HECW1: variants seen among roughly 807,000 people sequenced by gnomAD.
HECW1 encodes the protein HECT, C2 and WW domain containing E3 ubiquitin protein ligase 1, also known as E3 ubiquitin-protein ligase HECW1.
HECW1 carries 61 observed loss-of-function variants against 182.3 expected under a neutral mutation model. That is an observed-to-expected ratio of 0.33 (90% CI 0.27 to 0.41). HECW1 has a LOEUF of 0.41. Ranked by LOEUF, HECW1 falls within the 10% of genes least tolerant of loss-of-function variation. HECW1 has a pLI of 1.00. For synonymous variants in HECW1, 859 were observed against 832.6 expected, an observed-to-expected ratio of 1.03 and a Z score of -0.55; for missense variants, 1,739 against 2,108.9, an observed-to-expected ratio of 0.82 and a Z score of 3.44.
Position 43,269,994 on chromosome 7 carries a change from A to G in HECW1, c.27+26062A>G, listed in dbSNP as rs370719751. On this transcript the variant is annotated intron_variant, in intron 3 of 29. Coordinates refer to ENST00000395891, the MANE Select transcript of HECW1 (RefSeq NM_015052.5). ...TAACTTAATATTTCTCAGCCTCTAT[A>G]TCTTCATCTCTGAAATAGGAATGTC... Among the ~76,000 whole-genome samples, 178 of 152,332 alleles carry G rather than the reference A, an allele frequency of 1.2e-3. 1 individual carries two copies. The highest frequency in any genetic ancestry group is 3.9e-3 in the African/African-American group (162 of 41,576).
chr7:43,436,609 A>T (rs2076723917), intron 8 of HECW1, among the ~76,000 whole-genome samples: 1 of 152,132 alleles, frequency 6.6e-6, no homozygotes, highest in African/African-American at 2.4e-5. Context: ...CAGGAGAAGG[A>T]ATTTCACAAG....
intron 2 of HECW1, among the ~76,000 whole-genome samples, chr7:43,120,828 G>A (rs1343927060): frequency 6.6e-6 from 1 of 151,982 alleles, no homozygotes; most frequent in Non-Finnish European, 1.5e-5. Context: ...ATTTTGTGCA[G>A]AGATGGGTTT....
At chr7:43,316,196 G>A (rs1244761573) in intron 4 of HECW1, among the ~76,000 whole-genome samples, 2 of 152,118 alleles carry the variant, frequency 1.3e-5, no homozygotes, top group Non-Finnish European at 2.9e-5. Flanking sequence ...ATTATAAACT[G>A]AGGAGCAGGT....
chr7:43,292,564 A>C (rs1004828679), intron 3 of HECW1, among the ~76,000 whole-genome samples: 2 of 152,236 alleles, frequency 1.3e-5, no homozygotes, highest in African/African-American at 4.8e-5. Context: ...GACTAAGCAC[A>C]AGTGTGGCCC....
chr7:43,418,290 C>A (rs1442190191), intron 8 of HECW1, among the ~76,000 whole-genome samples: 2 of 152,220 alleles, frequency 1.3e-5, no homozygotes, highest in African/African-American at 4.8e-5. Context: ...CTTCAGCATA[C>A]CTGTTGAGGG....
At chr7:43,177,314 C>G (rs1792360972) in intron 2 of HECW1, among the ~76,000 whole-genome samples, 2 of 152,220 alleles carry the variant, frequency 1.3e-5, no homozygotes, top group South Asian at 2.1e-4. Context: ...GGTGGTGGGG[C>G]CTTCCACAGT....
At chr7:43,521,406 A>G (rs1320875591) in intron 24 of HECW1, among the ~76,000 whole-genome samples, 1 of 152,228 alleles carries the variant, frequency 6.6e-6, no homozygotes, top group Non-Finnish European at 1.5e-5. Context: ...TCATGATGGA[A>G]GACTGGAAAA....
chr7:43,274,550 T>G (rs1416633773), intron 3 of HECW1: 4 of 539,540 alleles, frequency 7.4e-6, no homozygotes, highest in Admixed American at 4.6e-5. Context: ...CGGGCCACGC[T>G]TCACCACCAA....
intron 2 of HECW1, among the ~76,000 whole-genome samples, chr7:43,204,877 C>T (rs1414982268): frequency 2.0e-5 from 3 of 152,070 alleles, no homozygotes; most frequent in African/African-American, 4.8e-5. Flanking sequence ...TACCATCCCA[C>T]AGGAACTGGG....
At chr7:43,285,667 C>T (rs555530243) in intron 3 of HECW1, among the ~76,000 whole-genome samples, 1 of 152,014 alleles carries the variant, frequency 6.6e-6, no homozygotes, top group South Asian at 2.1e-4. Context: ...TTAAAAATAG[C>T]TGGGTGTGGT....
At chr7:43,443,800 T>C (rs1341639506) in intron 10 of HECW1, among the ~76,000 whole-genome samples, 1 of 152,136 alleles carries the variant, frequency 6.6e-6, no homozygotes. Flanking sequence ...GACCTAAGCA[T>C]AGGAAACATT....
At chr7:43,513,788 T>C (rs895071334) in intron 24 of HECW1, among the ~76,000 whole-genome samples, 1 of 152,346 alleles carries the variant, frequency 6.6e-6, no homozygotes, top group Non-Finnish European at 1.5e-5. Flanking sequence ...TACTTATTTG[T>C]ACGACTGACT....
intron 16 of HECW1, among the ~76,000 whole-genome samples, chr7:43,476,608 G>T (rs991578861): frequency 6.6e-6 from 1 of 152,088 alleles, no homozygotes; most frequent in Non-Finnish European, 1.5e-5. Context: ...AATTGGAATA[G>T]TGCGGTACCA....
chr7:43,240,313 A>G (rs2005721), intron 2 of HECW1, among the ~76,000 whole-genome samples: 51,134 of 151,970 alleles, frequency 0.34, 9,408 homozygotes, highest in African/African-American at 0.49. Flanking sequence ...ACTCCAGCCT[A>G]GGCGACAGAG....
intron 5 of HECW1, among the ~76,000 whole-genome samples, chr7:43,348,958 G>A (rs772427048): frequency 3.0e-4 from 46 of 152,124 alleles, no homozygotes; most frequent in Non-Finnish European, 6.2e-4. Flanking sequence ...AAAGTTCCAT[G>A]CACTGTTGAA....
In HECW1 at chr7:43,175,830, C is replaced by G. The variant is rs574758333; in HGVS notation, c.-32+61439C>G. Reference sequence around the variant, plus strand: ...TGACGGCTTTTGGTTGTTCTAGTCACGTTTTCCTTCTCACAGGCGCACCTC... The same window carrying G: ...TGACGGCTTTTGGTTGTTCTAGTCAGGTTTTCCTTCTCACAGGCGCACCTC... On this transcript the variant is annotated intron_variant, in intron 2 of 29. Coordinates refer to ENST00000395891, the MANE Select transcript of HECW1 (RefSeq NM_015052.5). Among the ~76,000 whole-genome samples, 68 of 152,110 alleles carry G rather than the reference C, an allele frequency of 4.5e-4. 1 individual carries two copies. The highest frequency in any genetic ancestry group is 8.7e-4 in the Non-Finnish European group (59 of 68,028).
intron 16 of HECW1, among the ~76,000 whole-genome samples, chr7:43,478,790 A>G (rs2078315245): frequency 6.6e-6 from 1 of 152,154 alleles, no homozygotes; most frequent in South Asian, 2.1e-4. Flanking sequence ...TCTATAATAA[A>G]AAAGAGCATT....
chr7:43,226,332 A>T (rs1353764565), intron 2 of HECW1, among the ~76,000 whole-genome samples: 1 of 152,044 alleles, frequency 6.6e-6, no homozygotes, highest in Non-Finnish European at 1.5e-5. Flanking sequence ...GACTTCTATT[A>T]TTGGTTGGTT....
At chr7:43,355,550 A>T (rs1247171669) in intron 5 of HECW1, among the ~76,000 whole-genome samples, 1 of 152,190 alleles carries the variant, frequency 6.6e-6, no homozygotes, top group African/African-American at 2.4e-5. Flanking sequence ...TACATCTATA[A>T]GATTTTTTTG....
Sources: gnomAD v4.1 joint callset for allele counts (sites outside exome capture counted in the v4.1 genomes callset) on GRCh38, gnomAD v4.1.1 for gene constraint, MANE v1.5 for transcripts, NCBI Gene and HGNC (gene_info 2026-07-23, HGNC 2026-07-21) for gene names.